Variants in ANKDD1A observed in about 807,000 individuals in gnomAD.
The protein encoded by ANKDD1A is ankyrin repeat and death domain-containing protein 1A.
ANKDD1A carries 59 observed loss-of-function variants against 63.5 expected under a neutral mutation model. The ratio of observed to expected loss-of-function variants is 0.93; its 90% confidence interval spans 0.75 to 1.15. The LOEUF (loss-of-function observed/expected upper bound fraction) is 1.15. Ranked by LOEUF, ANKDD1A falls within the 50% of genes most tolerant of loss-of-function variation. ANKDD1A has a pLI of 0.00. For synonymous variants in ANKDD1A, 266 were observed against 263.9 expected (o/e 1.01, Z -0.08); for missense variants, 632 against 656.4 (o/e 0.96, Z 0.41).
chr15:64,955,807 C>T (rs2063126080), intron 14 of ANKDD1A, among the ~76,000 whole-genome samples: 3 of 152,188 alleles, frequency 2.0e-5, no homozygotes, highest in Admixed American at 2.0e-4. Flanking sequence ...GCCACAGTCT[C>T]TGAAAGGCAA....
chr15:64,952,970 T>TC (rs1227552669), intron 14 of ANKDD1A, among the ~76,000 whole-genome samples: 139 of 13,994 alleles, frequency 9.9e-3, no homozygotes, highest in Non-Finnish European at 0.026. Flanking sequence ...TCTTCTTCTT[T>TC]TCTTCTTGTC....
intron 9 of ANKDD1A, among the ~76,000 whole-genome samples, chr15:64,935,110 C>T (rs2085118363): frequency 6.6e-6 from 1 of 151,446 alleles, no homozygotes; most frequent in Non-Finnish European, 1.5e-5. Flanking sequence ...CACATGTAGT[C>T]CTAGCTACTT....
intron 12 of ANKDD1A, among the ~76,000 whole-genome samples, chr15:64,945,489 C>A (rs1022697046): frequency 6.6e-6 from 1 of 150,970 alleles, no homozygotes; most frequent in Non-Finnish European, 1.5e-5. Flanking sequence ...ATAAAACTGG[C>A]TTTGTGTTAG....
intron 12 of ANKDD1A, among the ~76,000 whole-genome samples, chr15:64,947,141 A>G (rs1356510477): frequency 6.6e-6 from 1 of 152,190 alleles, no homozygotes; most frequent in African/African-American, 2.4e-5. Flanking sequence ...TCTTTTGACT[A>G]TGACAATGAG....
chr15:64,925,754 G>A (rs1302721385), intron 4 of ANKDD1A, among the ~76,000 whole-genome samples: 3 of 152,174 alleles, frequency 2.0e-5, no homozygotes, highest in South Asian at 2.1e-4. Context: ...TGAAGTGGTC[G>A]GGGATTATGA....
At chr15:64,943,397 T>C (rs1441534553) in intron 10 of ANKDD1A, 87 bp from the exon 11 acceptor site, 5 of 1,077,188 alleles carry the variant, frequency 4.6e-6, no homozygotes, top group African/African-American at 3.1e-5. Context: ...AGAAGAAATA[T>C]ACTAGGATCA....
At position 64,911,948 on chromosome 15, in the gene ANKDD1A, G is replaced by A. The variant is rs985155092; in HGVS notation, c.18G>A (p.Ala6=). The A allele has an allele frequency of 8.1e-7, 1 of 1,240,006 alleles. No individual in the cohort carries two copies. The highest frequency in any genetic ancestry group is 1.0e-6 in the Non-Finnish European group (1 of 984,932). The allele number at this position is 1,240,006 out of a possible 1,614,324, so 76.8% of individuals were successfully genotyped here. Residue 6 remains alanine (A), a synonymous_variant, in exon 1 of 15, where the codon GCG becomes GCA. Transcript: ENST00000319580. MQEEL[A]WETDGLLPLE... ...GCGGCAGGATGCAGGAGGAGCTGGCGTGGGAGACCGACGGCCGTGAGTCTG... is the reference window on the plus strand; with the variant it reads ...GCGGCAGGATGCAGGAGGAGCTGGCATGGGAGACCGACGGCCGTGAGTCTG...
chr15:64,937,336 T>C (rs1420084638), intron 9 of ANKDD1A, among the ~76,000 whole-genome samples: 1 of 152,246 alleles, frequency 6.6e-6, no homozygotes, highest in East Asian at 1.9e-4. Flanking sequence ...TGCTGCAGTA[T>C]CATTTGTAAT....
chr15:64,945,636 T>C (rs2085217673), intron 12 of ANKDD1A, among the ~76,000 whole-genome samples: 1 of 264 alleles, frequency 3.8e-3, no homozygotes, highest in East Asian at 0.062. Context: ...ATATATGAAC[T>C]TTTTTTTTTT....
chr15:64,945,542 A>T (rs757276823), intron 12 of ANKDD1A, among the ~76,000 whole-genome samples: 1 of 147,484 alleles, frequency 6.8e-6, no homozygotes, highest in Non-Finnish European at 1.5e-5. Context: ...TACTAAGCAC[A>T]TGTAAGGTAG....
chr15:64,935,982 G>A lies in ANKDD1A; in HGVS notation c.867+1748G>A, dbSNP rs2085128852. Among the ~76,000 whole-genome samples the A allele has an allele frequency of 2.6e-5, 4 of 152,088 alleles. No homozygotes were observed. The South Asian group carries it at 6.2e-4, about 24-fold the overall frequency. On this transcript the variant is annotated intron_variant, in intron 9 of 14. Transcript: ENST00000319580. ...GGTGTTAGGCCTGGCTTTGTATGCT[G>A]GTACTACAAACTGAATAATCCTGGG...
intron 14 of ANKDD1A, chr15:64,951,507 TCCTTCTTCCTG>T: frequency 6.7e-6 from 1 of 149,930 alleles, no homozygotes; most frequent in Non-Finnish European, 1.5e-5. Context: ...TTCTTCCTCT[TCCTTCTTCCTG>T]TTTTCTTCTT....
chr15:64,926,089 C>T lies in ANKDD1A; in HGVS notation c.390C>T (p.Cys130=), dbSNP rs372737984. 35 of 1,613,714 alleles carry T rather than the reference C, an allele frequency of 2.2e-5. 1 individual carries two copies. The highest frequency in any genetic ancestry group is 3.3e-4 in the Middle Eastern group (2 of 5,994). The change falls in exon 5 of 15, where the codon TGC becomes TGT. Residue 130 remains cysteine, a synonymous_variant. Transcript: ENST00000319580. ...AGGATGGCCTGACCTTACTGCACTG[C>T]GCAGCCCAAAAAGGCCATGTGCCTG... ...ESKDGLTLLH[C]AAQKGHVPVL...
intron 3 of ANKDD1A, 36 bp downstream of exon 3, chr15:64,917,550 G>A (rs2084977986): frequency 1.3e-6 from 2 of 1,538,924 alleles, no homozygotes; most frequent in Non-Finnish European, 1.8e-6. Flanking sequence ...TCAGGGTGGT[G>A]GGGGGCACTG....
intron 8 of ANKDD1A, 142 bp from the exon 9 acceptor site, chr15:64,933,994 G>T (rs2085108596): frequency 1.7e-6 from 1 of 604,866 alleles, no homozygotes. Flanking sequence ...GAAAGTCATT[G>T]ATTTTTCCAG....
At chr15:64,953,925 TC>T (rs1231976660) in intron 14 of ANKDD1A, among the ~76,000 whole-genome samples, 8 of 8,738 alleles carry the variant, frequency 9.2e-4, no homozygotes, top group South Asian at 6.2e-3. Flanking sequence ...CTTCTCTTTT[TC>T]TTTTTTCTTT....
chr15:64,956,783 C>T (rs1186939126), intron 14 of ANKDD1A, among the ~76,000 whole-genome samples: 1 of 152,120 alleles, frequency 6.6e-6, no homozygotes, highest in Non-Finnish European at 1.5e-5. Flanking sequence ...GAACTCCTGA[C>T]CTAAGGTGAC....
chr15:64,945,607 C>CTTTATATATATATATATAT (rs1277861527), intron 12 of ANKDD1A, among the ~76,000 whole-genome samples: 1 of 73,852 alleles, frequency 1.4e-5, no homozygotes, highest in African/African-American at 6.2e-5. Flanking sequence ...GCATTTTCAA[C>CTTTATATATATATATATAT]ATATATATAT....
chr15:64,917,938 G>A (rs192647875), intron 3 of ANKDD1A, among the ~76,000 whole-genome samples: 5 of 152,324 alleles, frequency 3.3e-5, no homozygotes, highest in Non-Finnish European at 5.9e-5. Context: ...CAATTGGCAG[G>A]CAGCGTGTTG....
Sources: allele counts gnomAD v4.1 joint callset (sites outside exome capture counted in the v4.1 genomes callset), GRCh38; gene constraint gnomAD v4.1.1; transcripts MANE v1.5; gene names NCBI Gene and HGNC (gene_info 2026-07-23, HGNC 2026-07-21).